The following SCD5 variants were observed in gnomAD, a reference collection of about 807,000 sequenced individuals.
SCD5 encodes acyl-CoA-desaturase 4.
Under a neutral mutation model 30.4 loss-of-function variants are expected in SCD5, and 20 were observed. The observed-to-expected ratio is 0.66, with a 90% CI of 0.46 to 0.96. SCD5 has a LOEUF of 0.96. SCD5 is among the 40% of genes least tolerant of loss of function. The pLI, the probability that SCD5 is intolerant of heterozygous loss-of-function variation, is 0.00. For missense variants in SCD5, 381 were observed against 443.3 expected (o/e 0.86, Z 1.26); for synonymous variants, 173 against 176.4 (o/e 0.98, Z 0.16).
intron 2 of SCD5, among the ~76,000 whole-genome samples, chr4:82,684,011 C>T (rs1560533105): frequency 6.6e-6 from 1 of 152,206 alleles, no homozygotes; most frequent in Non-Finnish European, 1.5e-5. Context: ...GTCATGCAAT[C>T]TTGTAGAAAC....
chr4:82,741,881 A>C (rs1301275171), intron 1 of SCD5, among the ~76,000 whole-genome samples: 1 of 151,390 alleles, frequency 6.6e-6, no homozygotes, highest in Non-Finnish European at 1.5e-5. Flanking sequence ...AGATAGGTGA[A>C]GAGCTTTTGT....
chr4:82,752,589 G>A (rs1037028113), intron 1 of SCD5, among the ~76,000 whole-genome samples: 1 of 152,240 alleles, frequency 6.6e-6, no homozygotes, highest in South Asian at 2.1e-4. Flanking sequence ...GGTTGTTCCA[G>A]GGAGCATGAT....
In SCD5 at chr4:82,673,988, C is replaced by T. The variant is rs142308928; in HGVS notation, c.569+6719G>A. Among the ~76,000 whole-genome samples, 946 of 152,198 alleles carry T rather than the reference C, an allele frequency of 6.2e-3. 32 individuals are homozygous for T. The highest frequency in any genetic ancestry group is 0.056 in the Admixed American group (854 of 15,288). ...GAATTCAGACACAGACTTCACACAC[C>T]TCACAAAAAGTGACTCAAAATGGAT... On this transcript the variant is annotated intron_variant, in intron 3 of 4. Transcript: ENST00000319540.
chr4:82,792,965 A>G (rs1471445186), intron 1 of SCD5, among the ~76,000 whole-genome samples: 1 of 152,210 alleles, frequency 6.6e-6, no homozygotes, highest in Non-Finnish European at 1.5e-5. Context: ...TAATAATGTT[A>G]ACCTCAATCT....
intron 2 of SCD5, among the ~76,000 whole-genome samples, chr4:82,691,401 T>C (rs1470220229): frequency 6.6e-6 from 1 of 151,858 alleles, no homozygotes; most frequent in Non-Finnish European, 1.5e-5. Flanking sequence ...GAGAGGGGAA[T>C]TGTCTCAGGT....
chr4:82,690,274 G>A (rs1433771792), intron 2 of SCD5, among the ~76,000 whole-genome samples: 3 of 152,210 alleles, frequency 2.0e-5, no homozygotes, highest in Non-Finnish European at 4.4e-5. Context: ...GAATGCACAT[G>A]CATGTACAGA....
chr4:82,658,795 CT>C (rs70964798), intron 3 of SCD5, among the ~76,000 whole-genome samples: 144,460 of 151,750 alleles, frequency 0.95, 68,859 homozygotes, highest in East Asian at 1. Flanking sequence ...CTGATATTTT[CT>C]TTTTTTTGTT....
intron 1 of SCD5, among the ~76,000 whole-genome samples, chr4:82,726,949 G>A (rs1720512226): frequency 1.3e-5 from 2 of 152,240 alleles, no homozygotes; most frequent in Non-Finnish European, 2.9e-5. Flanking sequence ...AAGGGCACCT[G>A]TCAATTGCTG....
At position 82,780,433 on chromosome 4, in the gene SCD5, C is replaced by T. The variant is rs143407200; in HGVS notation, c.232+17873G>A. 1.7e-3 allele frequency among the ~76,000 whole-genome samples: 263 copies of T among 152,332 alleles called. 1 individual carries two copies. The Middle Eastern group carries it at 0.02, about 12-fold the overall frequency. On this transcript the variant is annotated intron_variant, in intron 1 of 4. Coordinates refer to ENST00000319540, the MANE Select transcript of SCD5 (RefSeq NM_001037582.3). Reference sequence around the variant, plus strand: ...TTACCTGTGTATTCTTAGCACTTAGCACACACTAGGCCCATGTCCACAAAT... The same window carrying T: ...TTACCTGTGTATTCTTAGCACTTAGTACACACTAGGCCCATGTCCACAAAT...
intron 3 of SCD5, among the ~76,000 whole-genome samples, chr4:82,668,963 G>A (rs879048417): frequency 1.1e-4 from 16 of 152,268 alleles, no homozygotes; most frequent in Non-Finnish European, 1.8e-4. Context: ...GTGCTCAACC[G>A]CACTAACATC....
At position 82,762,237 on chromosome 4, in the gene SCD5, A is replaced by T. The variant is rs938539597; in HGVS notation, c.232+36069T>A. Among the ~76,000 whole-genome samples, 17 of 98,446 alleles carry T rather than the reference A, an allele frequency of 1.7e-4. No individual in the cohort carries two copies. In the East Asian group the frequency reaches 3.7e-3, roughly 22 times the overall value. 64.6% of individuals were successfully genotyped at this position (98,446 alleles called of 152,430 possible). ...GAGGAGGGGAGGGGGAGAGGAGAGG[A>T]GAGACCTTACACTCAAGGGGCTAAT... On this transcript the variant is annotated intron_variant, in intron 1 of 4. Coordinates refer to ENST00000319540, the MANE Select transcript of SCD5 (RefSeq NM_001037582.3).
intron 1 of SCD5, among the ~76,000 whole-genome samples, chr4:82,747,878 C>G (rs1052953235): frequency 2.6e-5 from 4 of 152,138 alleles, no homozygotes; most frequent in Non-Finnish European, 5.9e-5. Context: ...AACCAGCAGC[C>G]ACAGAAAGGC....
chr4:82,738,506 C>T (rs1720802860), intron 1 of SCD5, among the ~76,000 whole-genome samples: 1 of 152,202 alleles, frequency 6.6e-6, no homozygotes, highest in Admixed American at 6.5e-5. Context: ...GGGAAGAACA[C>T]ATCCCAGCAC....
chr4:82,796,678 G>T (rs1722227764), intron 1 of SCD5, among the ~76,000 whole-genome samples: 3 of 152,116 alleles, frequency 2.0e-5, no homozygotes, highest in Admixed American at 2.0e-4. Context: ...AGCTATTAAA[G>T]ATAAGCCTCA....
chr4:82,789,553 A>G (rs1026328979), intron 1 of SCD5, among the ~76,000 whole-genome samples: 1 of 152,210 alleles, frequency 6.6e-6, no homozygotes, highest in South Asian at 2.1e-4. Flanking sequence ...CCACACTTTG[A>G]GTAGCAAGGC....
At chr4:82,660,662 A>G (rs1472850864) in intron 3 of SCD5, 1 of 1,402,586 alleles carries the variant, frequency 7.1e-7, no homozygotes, top group Non-Finnish European at 9.2e-7. Flanking sequence ...CAGAATGACA[A>G]AACTGAAATC....
intron 1 of SCD5, among the ~76,000 whole-genome samples, chr4:82,728,901 T>C (rs938224553): frequency 1.2e-4 from 18 of 152,172 alleles, no homozygotes; most frequent in African/African-American, 3.6e-4. Flanking sequence ...CAGCCAATTA[T>C]AGGAGAATGA....
intron 1 of SCD5, among the ~76,000 whole-genome samples, chr4:82,721,597 T>A (rs888356933): frequency 6.6e-6 from 1 of 152,050 alleles, no homozygotes; most frequent in East Asian, 1.9e-4. Context: ...AAGAGGAAAT[T>A]TAGACACAGA....
intron 3 of SCD5, among the ~76,000 whole-genome samples, chr4:82,675,591 A>G (rs1728419194): frequency 6.6e-6 from 1 of 152,174 alleles, no homozygotes; most frequent in African/African-American, 2.4e-5. Flanking sequence ...CCTTGTTTTT[A>G]TGTGTCTGGA....
Sources: allele counts gnomAD v4.1 joint callset (sites outside exome capture counted in the v4.1 genomes callset), GRCh38; gene constraint gnomAD v4.1.1; transcripts MANE v1.5; gene names NCBI Gene and HGNC (gene_info 2026-07-23, HGNC 2026-07-21).